The following ZNF420 variants were observed in gnomAD, a reference collection of about 807,000 sequenced individuals.
ZNF420 encodes zinc finger protein 420, also known as ATM and p53-associated KZNF protein.
In ZNF420, 31 loss-of-function variants were observed where a neutral mutation model predicts 44.7. The ratio of observed to expected loss-of-function variants is 0.69; its 90% CI spans 0.52 to 0.94. ZNF420 has a LOEUF of 0.94. ZNF420 is among the 40% of genes least tolerant of loss of function. ZNF420 has a pLI of 0.00. For missense variants in ZNF420, 681 were observed against 827.9 expected, an observed-to-expected ratio of 0.82 and a Z score of 2.18; for synonymous variants, 245 against 267.4, an observed-to-expected ratio of 0.92 and a Z score of 0.82.
chr19:37,044,773 G>T (rs1397365810), intron 1 of ZNF420, among the ~76,000 whole-genome samples: 1 of 152,014 alleles, frequency 6.6e-6, no homozygotes, highest in African/African-American at 2.4e-5. Context: ...AGTTTGCAAT[G>T]AGCCGAGATC....
At chr19:37,087,821 A>G (rs1968911757) in intron 2 of ZNF420, among the ~76,000 whole-genome samples, 1 of 151,882 alleles carries the variant, frequency 6.6e-6, no homozygotes, top group South Asian at 2.1e-4. Context: ...AATTTTTTTT[A>G]TTTTTAGTAG....
intron 1 of ZNF420, among the ~76,000 whole-genome samples, chr19:37,017,992 A>C (rs977983056): frequency 6.6e-6 from 1 of 152,192 alleles, no homozygotes; most frequent in Non-Finnish European, 1.5e-5. Flanking sequence ...CACAGACAAA[A>C]AAAAGTTTCA....
intron 1 of ZNF420, among the ~76,000 whole-genome samples, chr19:37,072,856 CT>C (rs1447191968): frequency 2.0e-5 from 3 of 150,310 alleles, no homozygotes; most frequent in South Asian, 2.1e-4. Flanking sequence ...CTAATGATGT[CT>C]TTTTAAATAT....
chr19:37,027,892 T>C (rs918759147), intron 1 of ZNF420, among the ~76,000 whole-genome samples: 5 of 152,222 alleles, frequency 3.3e-5, no homozygotes, highest in African/African-American at 1.2e-4. Flanking sequence ...TAATCATTCA[T>C]GTGCAGGATT....
chr19:37,113,802 G>A (rs923542218), intron 4 of ZNF420, among the ~76,000 whole-genome samples: 15 of 152,214 alleles, frequency 9.9e-5, no homozygotes, highest in Admixed American at 9.8e-4. Context: ...ATGTTAACTG[G>A]AGGATTGGCA....
intron 1 of ZNF420, among the ~76,000 whole-genome samples, chr19:37,037,929 G>A (rs970563727): frequency 6.6e-6 from 1 of 152,176 alleles, no homozygotes; most frequent in African/African-American, 2.4e-5. Context: ...CCTAAAAGAA[G>A]AGCTGGAGTA....
At chr19:37,089,513 G>A (rs7245882) in intron 3 of ZNF420, among the ~76,000 whole-genome samples, 84,923 of 151,906 alleles carry the variant, frequency 0.56, 25,235 homozygotes, top group African/African-American at 0.75. Context: ...CTCACTCTCA[G>A]TATGTGGCAA....
intron 4 of ZNF420, chr19:37,107,136 T>G (rs1970136450): frequency 6.6e-6 from 1 of 152,160 alleles, no homozygotes. Flanking sequence ...GAGGCCTTCC[T>G]CTTTTACTAA....
At chr19:37,024,981 C>A in intron 1 of ZNF420, 1 of 207,450 alleles carries the variant, frequency 4.8e-6, no homozygotes. Context: ...GGGCTTCTCT[C>A]CAGTATGAAT....
At chr19:37,038,129 CA>C (rs35492200) in intron 1 of ZNF420, among the ~76,000 whole-genome samples, 76,184 of 145,022 alleles carry the variant, frequency 0.53, 19,606 homozygotes, top group African/African-American at 0.6. Context: ...GACTCCGTCT[CA>C]AAAAAAAAAA....
In ZNF420 at chr19:37,128,615, C is replaced by T. The variant is rs769322309; in HGVS notation, c.1624C>T (p.Arg542Cys). 15 of 1,613,690 alleles carry T rather than the reference C, an allele frequency of 9.3e-6. No individual in the cohort carries two copies. Among genetic ancestry groups the T allele is most frequent in the African/African-American group, 6.7e-5 (5 of 74,854 alleles). The part of the protein sequence containing the change: ...VCNECGKAFA[R>C]GLLLIQHQRI... ...TAATGAATGTGGAAAGGCCTTTGCG[C>T]GTGGCTTACTACTTATACAACATCA... is the stretch of plus-strand genomic sequence containing the variant. The change falls in exon 5 of 5, where the codon CGT becomes TGT. Residue 542 changes from arginine (R) to cysteine (C), a missense_variant. Coordinates refer to ENST00000337995, the MANE Select transcript of ZNF420 (RefSeq NM_144689.5).
At chr19:37,070,073 T>C (rs914855949) in intron 1 of ZNF420, among the ~76,000 whole-genome samples, 1 of 152,092 alleles carries the variant, frequency 6.6e-6, no homozygotes, top group African/African-American at 2.4e-5. Flanking sequence ...AGGGAACAAA[T>C]TGACCAATAT....
intron 4 of ZNF420, among the ~76,000 whole-genome samples, chr19:37,096,795 G>A (rs987994926): frequency 1.3e-5 from 2 of 152,060 alleles, no homozygotes; most frequent in East Asian, 1.9e-4. Flanking sequence ...TTAAGAAATC[G>A]GATGCACCAT....
chr19:37,080,880 G>A (rs893519071), intron 2 of ZNF420, among the ~76,000 whole-genome samples: 6 of 151,440 alleles, frequency 4.0e-5, no homozygotes, highest in African/African-American at 7.3e-5. Flanking sequence ...GTGAAACCCC[G>A]TCTGTACTAA....
upstream of ZNF420, among the ~76,000 whole-genome samples, chr19:37,075,864 T>C (rs1341328934): frequency 1.3e-5 from 2 of 152,172 alleles, no homozygotes; most frequent in African/African-American, 4.8e-5. Flanking sequence ...AAATCCTCTC[T>C]TCTCTCCCTA....
intron 1 of ZNF420, among the ~76,000 whole-genome samples, chr19:37,012,673 C>T (rs1356269958): frequency 6.6e-6 from 1 of 152,140 alleles, no homozygotes; most frequent in Non-Finnish European, 1.5e-5. Context: ...GTGGGCTGCT[C>T]TCTCACCCGA....
At chr19:37,114,655 G>T (rs1970561658) in intron 4 of ZNF420, among the ~76,000 whole-genome samples, 1 of 152,060 alleles carries the variant, frequency 6.6e-6, no homozygotes, top group Non-Finnish European at 1.5e-5. Flanking sequence ...AACCATTACC[G>T]GCTCTGCTAC....
chr19:37,091,713 G>A (rs1969157524), intron 4 of ZNF420: 1 of 152,114 alleles, frequency 6.6e-6, no homozygotes, highest in African/African-American at 2.4e-5. Flanking sequence ...ATCACCTGAG[G>A]TCAGGAGTTC....
chr19:37,103,273 GT>G (rs147401115), intron 4 of ZNF420, among the ~76,000 whole-genome samples: 1 of 151,898 alleles, frequency 6.6e-6, no homozygotes, highest in Non-Finnish European at 1.5e-5. Flanking sequence ...AGGATTATAT[GT>G]TTTTTCTATG....
Sources: allele counts gnomAD v4.1 joint callset (sites outside exome capture counted in the v4.1 genomes callset), GRCh38; gene constraint gnomAD v4.1.1; transcripts MANE v1.5; gene names NCBI Gene and HGNC (gene_info 2026-07-23, HGNC 2026-07-21).